The following XKR9 variants were observed in gnomAD, a reference collection of about 807,000 sequenced individuals.
XKR9 encodes XK related 9, also known as XK-related protein 9.
In XKR9, 32 loss-of-function variants were observed where a neutral mutation model predicts 32.0. That is an observed-to-expected ratio of 1.00 (90% confidence interval 0.76 to 1.34). The LOEUF is 1.34. Among genes scored for constraint, XKR9 ranks in the 40% most tolerant of loss-of-function variants. The probability of loss-of-function intolerance (pLI) is 0.00; values close to 1 mark genes in which losing one functional copy is unlikely to be tolerated. For synonymous variants in XKR9, 168 were observed against 143.4 expected, an observed-to-expected ratio of 1.17 and a Z score of -1.22; for missense variants, 546 against 429.7, an observed-to-expected ratio of 1.27 and a Z score of -2.39.
At chr8:70,859,073 A>T in the XKR9 span, among the ~76,000 whole-genome samples, 9 of 152,178 alleles carry the variant, frequency 5.9e-5, no homozygotes, top group African/African-American at 2.2e-4. Flanking sequence ...CAACACACAG[A>T]ATGAGGTAAA....
the XKR9 span, among the ~76,000 whole-genome samples, chr8:70,802,912 T>C: frequency 6.6e-6 from 1 of 152,248 alleles, no homozygotes; most frequent in Admixed American, 6.5e-5. Flanking sequence ...CTTTGGATAA[T>C]CTGATGACAA....
chr8:71,007,604 A>G, the XKR9 span, among the ~76,000 whole-genome samples: 1 of 152,308 alleles, frequency 6.6e-6, no homozygotes, highest in Non-Finnish European at 1.5e-5. Context: ...GTCAAAGGTG[A>G]AAAAACTAAA....
At chr8:70,907,993 T>A in the XKR9 span, among the ~76,000 whole-genome samples, 1 of 152,346 alleles carries the variant, frequency 6.6e-6, no homozygotes, top group East Asian at 1.9e-4. Context: ...TGTAATCTTA[T>A]GCATAATTTA....
intron 2 of XKR9, among the ~76,000 whole-genome samples, chr8:70,777,923 A>G (rs1345524969): frequency 6.6e-6 from 1 of 152,002 alleles, no homozygotes; most frequent in African/African-American, 2.4e-5. Context: ...TTCTGATGAT[A>G]GTTTCTTTTG....
At chr8:70,851,977 A>G in the XKR9 span, among the ~76,000 whole-genome samples, 2 of 152,252 alleles carry the variant, frequency 1.3e-5, no homozygotes, top group Non-Finnish European at 2.9e-5. Flanking sequence ...AAAAGAAACT[A>G]TCATCAAAGT....
At chr8:70,748,176 G>A (rs1030214469) in intron 2 of XKR9, among the ~76,000 whole-genome samples, 4 of 152,250 alleles carry the variant, frequency 2.6e-5, no homozygotes, top group East Asian at 3.9e-4. Flanking sequence ...TGCAGCGGGG[G>A]AGGTGTGGCT....
chr8:70,707,544 T>C (rs1428944927), intron 4 of XKR9, among the ~76,000 whole-genome samples: 1 of 152,070 alleles, frequency 6.6e-6, no homozygotes, highest in Non-Finnish European at 1.5e-5. Flanking sequence ...ATTATCTGCA[T>C]AGTATTGCAA....
At chr8:70,876,304 C>A in the XKR9 span, among the ~76,000 whole-genome samples, 1 of 149,626 alleles carries the variant, frequency 6.7e-6, no homozygotes, top group Non-Finnish European at 1.5e-5. Flanking sequence ...TCACTGCAAC[C>A]TCCGCCTCCT....
chr8:70,866,606 T>C, the XKR9 span, among the ~76,000 whole-genome samples: 4 of 152,062 alleles, frequency 2.6e-5, no homozygotes, highest in Non-Finnish European at 5.9e-5. Context: ...ATGGAATTTT[T>C]TTTTTTTTAA....
At chr8:70,901,185 T>G in the XKR9 span, among the ~76,000 whole-genome samples, 2 of 152,212 alleles carry the variant, frequency 1.3e-5, no homozygotes, top group Non-Finnish European at 2.9e-5. Flanking sequence ...GTAATGGGAT[T>G]GCTGGGTCAA....
chr8:70,699,765 T>C (rs1037470975), intron 3 of XKR9, among the ~76,000 whole-genome samples: 3 of 152,206 alleles, frequency 2.0e-5, no homozygotes. Context: ...CTGGATAATA[T>C]CCTGCAGAGT....
the XKR9 span, among the ~76,000 whole-genome samples, chr8:70,795,705 G>A: frequency 1.3e-5 from 2 of 151,808 alleles, no homozygotes; most frequent in Non-Finnish European, 2.9e-5. Context: ...TCTCACTGTG[G>A]TTTTGATTTG....
At chr8:70,868,060 G>A in the XKR9 span, among the ~76,000 whole-genome samples, 50 of 152,328 alleles carry the variant, frequency 3.3e-4, no homozygotes, top group Non-Finnish European at 6.9e-4. Context: ...AGATGCAAGA[G>A]GCGGGCTCCC....
chr8:70,801,328 C>T, the XKR9 span, among the ~76,000 whole-genome samples: 1 of 152,166 alleles, frequency 6.6e-6, no homozygotes, highest in Non-Finnish European at 1.5e-5. Context: ...CTAACACTAA[C>T]ACTGCTTTAG....
At chr8:70,750,949 C>T (rs375615198) in intron 2 of XKR9, among the ~76,000 whole-genome samples, 4 of 152,216 alleles carry the variant, frequency 2.6e-5, no homozygotes, top group African/African-American at 9.6e-5. Context: ...ACATATTGCT[C>T]TCCGTAGTGT....
At chr8:70,845,974 C>A in the XKR9 span, among the ~76,000 whole-genome samples, 1 of 151,960 alleles carries the variant, frequency 6.6e-6, no homozygotes, top group African/African-American at 2.4e-5. Flanking sequence ...AGATACAACC[C>A]AAAAAGGCCT....
intron 2 of XKR9, among the ~76,000 whole-genome samples, chr8:70,789,089 C>G (rs1311025969): frequency 6.6e-6 from 1 of 151,936 alleles, no homozygotes; most frequent in Non-Finnish European, 1.5e-5. Context: ...GATCTCATGA[C>G]TAACTAGAAT....
the XKR9 span, among the ~76,000 whole-genome samples, chr8:70,976,003 G>A: frequency 9.2e-5 from 14 of 152,132 alleles, no homozygotes; most frequent in South Asian, 6.2e-4. Flanking sequence ...TCTTTGTAGC[G>A]ATTGTGAATG....
chr8:71,019,807 G>T, the XKR9 span, among the ~76,000 whole-genome samples: 1 of 152,130 alleles, frequency 6.6e-6, no homozygotes, highest in Non-Finnish European at 1.5e-5. Context: ...GACTCTGAAG[G>T]CTAAGTACTT....
Sources: gnomAD v4.1 joint callset for allele counts (sites outside exome capture counted in the v4.1 genomes callset) on GRCh38, gnomAD v4.1.1 for gene constraint, MANE v1.5 for transcripts, NCBI Gene and HGNC (gene_info 2026-07-23, HGNC 2026-07-21) for gene names.